The following DNAAF5 variants were observed in gnomAD, a reference collection of about 807,000 sequenced individuals.
DNAAF5 encodes the protein HEAT repeat containing 2.
In DNAAF5, 64 loss-of-function variants were observed where a neutral mutation model predicts 75.8. The observed-to-expected ratio is 0.84, with a 90% CI of 0.69 to 1.04. The LOEUF (loss-of-function observed/expected upper bound fraction) is 1.04, where lower values mean the gene tolerates loss of function less well. Ranked by LOEUF, DNAAF5 falls within the 50% of genes least tolerant of loss-of-function variation. DNAAF5 has a pLI of 0.00. For missense variants in DNAAF5, 1,269 were observed against 1,178.5 expected, an observed-to-expected ratio of 1.08 and a Z score of -1.12; for synonymous variants, 657 against 557.2, an observed-to-expected ratio of 1.18 and a Z score of -2.52.
intron 12 of DNAAF5, among the ~76,000 whole-genome samples, chr7:783,388 G>A (rs556551208): frequency 1.3e-5 from 2 of 152,338 alleles, no homozygotes; most frequent in African/African-American, 4.8e-5. Flanking sequence ...CCGCATCTGC[G>A]CAGGTGTGAG....
At chr7:747,148 T>G (rs919051230) in intron 4 of DNAAF5, among the ~76,000 whole-genome samples, 1 of 152,196 alleles carries the variant, frequency 6.6e-6, no homozygotes, top group African/African-American at 2.4e-5. Flanking sequence ...AGGCGTGGGG[T>G]TGCTGGGCCA....
chr7:747,727 TCA>T, intron 4 of DNAAF5, among the ~76,000 whole-genome samples: 1 of 67,388 alleles, frequency 1.5e-5, no homozygotes, highest in Non-Finnish European at 3.3e-5. Flanking sequence ...TTTGCTGGTT[TCA>T]GCATGTCCGG....
chr7:756,211 G>A lies in DNAAF5; in HGVS notation c.1258-571G>A, dbSNP rs34154153. ...GTGTGATCCGCTGTGGAATCCCATG[G>A]TGCAGAGGGGCTGGTGTGTGGTGTC... On this transcript the variant is annotated intron_variant, in intron 5 of 12. Coordinates refer to ENST00000297440, the MANE Select transcript of DNAAF5 (RefSeq NM_017802.4). 3.2e-3 allele frequency among the ~76,000 whole-genome samples: 481 copies of A among 148,570 alleles called. 1 individual carries two copies. The highest frequency in any genetic ancestry group is 0.011 in the African/African-American group (440 of 39,656).
chr7:756,662 G>C lies in DNAAF5; in HGVS notation c.1258-120G>C, dbSNP rs939963049. ...TGAGCATGTGCCAAGGACTCACTCT[G>C]CCTAACACGGGGCTCTGTCTGGTGC... On this transcript the variant is annotated intron_variant, in intron 5 of 12. Transcript: ENST00000297440. 5 of 856,226 alleles carry C rather than the reference G, an allele frequency of 5.8e-6. No individual in the cohort carries two copies. In the African/African-American group the frequency reaches 8.3e-5, roughly 14 times the overall value. 53.0% of individuals were successfully genotyped at this position (856,226 alleles called of 1,614,324 possible).
rs548649404 is a variant in DNAAF5, at chr7:739,859, G to A, written c.781-960G>A. ...AGCAGCCCCTCCTCCGAGTCCCAGC[G>A]AGTGACCACGCCATGGGCACAGCTG... On this transcript the variant is annotated intron_variant, in intron 2 of 12. Transcript: ENST00000297440. Among the ~76,000 whole-genome samples, 11 of 152,230 alleles carry A rather than the reference G, an allele frequency of 7.2e-5. No homozygotes were observed. In the South Asian group the frequency reaches 1.7e-3, roughly 23 times the overall value.
chr7:745,478 GCA>G (rs1424037404), intron 4 of DNAAF5, among the ~76,000 whole-genome samples: 2 of 152,164 alleles, frequency 1.3e-5, no homozygotes, highest in Non-Finnish European at 2.9e-5. Flanking sequence ...ACACACCTGT[GCA>G]CACATGTACA....
intron 4 of DNAAF5, among the ~76,000 whole-genome samples, chr7:753,082 G>A (rs553398201): frequency 2.6e-5 from 4 of 152,354 alleles, no homozygotes; most frequent in African/African-American, 9.6e-5. Flanking sequence ...GGGAAGGAGC[G>A]CGGACTGGCT....
intron 1 of DNAAF5, 141 bp from the exon 2 acceptor site, chr7:729,522 T>C (rs1273848014): frequency 2.7e-6 from 2 of 737,216 alleles, no homozygotes; most frequent in East Asian, 5.4e-5. Flanking sequence ...GATTGTGTAC[T>C]GTTCATGCAG....
At position 754,245 on chromosome 7, in the gene DNAAF5, C is replaced by T. The variant is rs369480186; in HGVS notation, c.1025-344C>T. On this transcript the variant is annotated intron_variant, in intron 4 of 12. Coordinates refer to ENST00000297440, the MANE Select transcript of DNAAF5 (RefSeq NM_017802.4). The surrounding 1 kb of genome is among the most constrained non-coding windows in gnomAD (Gnocchi z 4.8). ...TGTGGCGCAATCCTCCCACCTCAGA[C>T]TCCTGCGTAGCTGGGACCACAGGCA... Among the ~76,000 whole-genome samples the T allele has an allele frequency of 7.9e-5, 12 of 152,318 alleles. No homozygotes were observed. The South Asian group carries it at 8.3e-4, about 11-fold the overall frequency.
intron 8 of DNAAF5, chr7:769,231 C>T (rs1318248401): frequency 4.0e-6 from 3 of 758,950 alleles, no homozygotes; most frequent in Non-Finnish European, 7.3e-6. Context: ...TTGGATAAGC[C>T]AGTGGACGCT....
At chr7:777,815 C>G (rs984483968) in intron 11 of DNAAF5, among the ~76,000 whole-genome samples, 1 of 152,100 alleles carries the variant, frequency 6.6e-6, no homozygotes, top group Non-Finnish European at 1.5e-5. Context: ...TCCTCAAGAT[C>G]ACGAGACAGA....
intron 10 of DNAAF5, among the ~76,000 whole-genome samples, 184 bp from the exon 11 acceptor site, chr7:774,822 A>G (rs1425351270): frequency 1.3e-5 from 2 of 152,208 alleles, no homozygotes; most frequent in Non-Finnish European, 2.9e-5. Context: ...TATTTTCTAA[A>G]AATCAAGTAA....
At position 770,903 on chromosome 7, in the gene DNAAF5, G is replaced by T. The variant is rs1778540094; in HGVS notation, c.1931+285G>T. ...CCCACACCAAGTCTGAGGTGGGCGT[G>T]TGCAGTGACCCCTGAGCTTAACTGG... is the stretch of plus-strand genomic sequence containing the variant. On this transcript the variant is annotated intron_variant, in intron 9 of 12. Transcript: ENST00000297440. 1.1e-5 allele frequency: 4 copies of T among 363,696 alleles called. No individual in the cohort carries two copies. In the East Asian group the frequency reaches 1.8e-4, roughly 16 times the overall value. 22.5% of individuals were successfully genotyped at this position (363,696 alleles called of 1,614,324 possible). A position where few individuals can be genotyped will look rare whatever the true frequency, so the allele number is the denominator to read the frequency against.
chr7:767,959 C>T (rs566508078), intron 8 of DNAAF5, among the ~76,000 whole-genome samples: 32 of 141,222 alleles, frequency 2.3e-4, no homozygotes, highest in African/African-American at 7.8e-4. Flanking sequence ...CAGAAGTGTC[C>T]GCCAGCAGGA....
At chr7:777,615 C>T (rs2128085846) in intron 11 of DNAAF5, among the ~76,000 whole-genome samples, 1 of 152,198 alleles carries the variant, frequency 6.6e-6, no homozygotes, top group South Asian at 2.1e-4. Flanking sequence ...CTGATTAGCT[C>T]TACTTAATGT....
At chr7:733,013 C>G (rs1011557865) in intron 2 of DNAAF5, among the ~76,000 whole-genome samples, 3 of 152,126 alleles carry the variant, frequency 2.0e-5, no homozygotes, top group African/African-American at 7.2e-5. Flanking sequence ...TCCAGTTTTC[C>G]CAGCACCATT....
In DNAAF5 at chr7:740,901, C is replaced by T. The variant is rs1382447184; in HGVS notation, c.863C>T (p.Pro288Leu). The T allele has an allele frequency of 1.9e-6, 3 of 1,613,880 alleles. No homozygotes were observed. Among genetic ancestry groups the T allele is most frequent in the Non-Finnish European group, 8.5e-7 (1 of 1,180,050 alleles). ...DRYSFFHKLI[P>L]LLLSSLNDEV... ...TACTCCTTCTTCCACAAGCTCATCC[C>T]TCTGCTGCTCAGTAGCCTCAACGAC... Residue 288 changes from proline (P) to leucine (L), a missense_variant, in exon 3 of 13, where the codon CCT becomes CTT. By Grantham distance (98) the Pro-to-Leu change is moderately conservative. Transcript: ENST00000297440.
intron 4 of DNAAF5, among the ~76,000 whole-genome samples, chr7:742,886 A>G (rs936619242): frequency 2.0e-5 from 3 of 151,698 alleles, no homozygotes; most frequent in East Asian, 1.9e-4. Context: ...CCCAGCTCAA[A>G]TCAATCATGT....
chr7:757,831 C>T (rs555653179), intron 6 of DNAAF5, among the ~76,000 whole-genome samples: 2 of 152,364 alleles, frequency 1.3e-5, no homozygotes, highest in Admixed American at 1.3e-4. Context: ...CCTGGAGGCA[C>T]TTGCTCCGGC....
Sources: gnomAD v4.1 joint callset for allele counts (sites outside exome capture counted in the v4.1 genomes callset) on GRCh38, gnomAD v4.1.1 for gene constraint, Gnocchi (gnomAD v3.1) non-coding constraint, MANE v1.5 for transcripts, NCBI Gene and HGNC (gene_info 2026-07-23, HGNC 2026-07-21) for gene names.